IRAG1: variants seen among roughly 807,000 people sequenced by gnomAD.
The protein encoded by IRAG1 is inositol 1,4,5-triphosphate receptor associated 1.
In IRAG1, 62 loss-of-function variants were observed where a neutral mutation model predicts 106.2. That is an observed-to-expected ratio of 0.58 (90% CI 0.48 to 0.72). The LOEUF (loss-of-function observed/expected upper bound fraction) is 0.72, where lower values mean the gene tolerates loss of function less well. IRAG1 is among the 30% of genes least tolerant of loss of function. The probability of loss-of-function intolerance (pLI) is 0.00; values close to 1 mark genes in which losing one functional copy is unlikely to be tolerated. For missense variants in IRAG1, 1,064 were observed against 1,140.7 expected (o/e 0.93, Z 0.97); for synonymous variants, 462 against 443.9 (o/e 1.04, Z -0.51).
chr11:10,606,844 C>A (rs887891163), intron 11 of IRAG1, 72 bp from the exon 12 acceptor site: 42 of 1,406,318 alleles, frequency 3.0e-5, no homozygotes, highest in Non-Finnish European at 3.9e-5. Context: ...CTCTGAATGA[C>A]CAGCAGACCA....
At chr11:10,687,177 C>T (rs1412367059) in intron 1 of IRAG1, among the ~76,000 whole-genome samples, 1 of 152,126 alleles carries the variant, frequency 6.6e-6, no homozygotes, top group Non-Finnish European at 1.5e-5. Context: ...CTGCCTGTCT[C>T]TCACTAGGGC....
intron 1 of IRAG1, among the ~76,000 whole-genome samples, chr11:10,680,481 G>A (rs909098064): frequency 2.8e-5 from 4 of 143,574 alleles, no homozygotes; most frequent in Non-Finnish European, 6.0e-5. Context: ...AGGAAGGAGA[G>A]GAAGGGAGGG....
rs1047297630 is a variant in IRAG1, at chr11:10,574,813, T to C, written c.*1519A>G. 15 of 152,316 alleles carry C rather than the reference T, an allele frequency of 9.8e-5. No individual in the cohort carries two copies. The highest frequency in any genetic ancestry group is 1.9e-4 in the East Asian group (1 of 5,190). The allele number at this position is 152,316 out of a possible 1,614,324, so 9.4% of individuals were successfully genotyped here. On this transcript the variant is annotated 3_prime_UTR_variant, in exon 21 of 21. Transcript: ENST00000423302. The stretch of plus-strand genomic sequence containing the variant: ...TCAGAAGAGTCAAGGAGAGCACAGC[T>C]CTGGAGCCAGCCTACCCTGGGGTTG...
chr11:10,641,413 T>C (rs1190881013), intron 2 of IRAG1, among the ~76,000 whole-genome samples: 1 of 152,166 alleles, frequency 6.6e-6, no homozygotes, highest in Non-Finnish European at 1.5e-5. Flanking sequence ...ATGGAGCATC[T>C]CTCCTGGGGC....
At chr11:10,581,217 C>T (rs1232048693) in intron 19 of IRAG1, among the ~76,000 whole-genome samples, 1 of 152,182 alleles carries the variant, frequency 6.6e-6, no homozygotes, top group Non-Finnish European at 1.5e-5. Context: ...AGCAGTTTGG[C>T]TGGGCAAACC....
chr11:10,625,125 C>T (rs1179213882), intron 9 of IRAG1, among the ~76,000 whole-genome samples: 1 of 152,230 alleles, frequency 6.6e-6, no homozygotes, highest in Non-Finnish European at 1.5e-5. Context: ...GTGTCCCTGC[C>T]AGCACACAAA....
chr11:10,657,523 A>G lies in IRAG1; in HGVS notation c.68-5341T>C, dbSNP rs1859014748. ...AGATTCTCTCTGTGAATCTTTGAGC[A>G]TTGAGGGAAGAGCCAAGAAGCCCTT... On this transcript the variant is annotated intron_variant, in intron 1 of 20. Coordinates refer to ENST00000423302, the MANE Select transcript of IRAG1 (RefSeq NM_130385.4). This position sits in a 1 kb window ranked among gnomAD's most constrained non-coding sequence, Gnocchi z 4.1. 6.6e-6 allele frequency among the ~76,000 whole-genome samples: 1 copy of G among 152,234 alleles called. No individual in the cohort carries two copies. Among genetic ancestry groups the G allele is most frequent in the African/African-American group, 2.4e-5 (1 of 41,458 alleles).
At chr11:10,692,629 A>G (rs769333307) in intron 1 of IRAG1, among the ~76,000 whole-genome samples, 23 of 152,198 alleles carry the variant, frequency 1.5e-4, no homozygotes, top group Non-Finnish European at 3.1e-4. Context: ...TGCTCAGACC[A>G]GATTTACTTC....
At chr11:10,634,753 T>TTGTG (rs57266330) in intron 2 of IRAG1, among the ~76,000 whole-genome samples, 1,996 of 145,014 alleles carry the variant, frequency 0.014, 39 homozygotes, top group African/African-American at 0.041. Flanking sequence ...AATAATATTC[T>TTGTG]TGTGTGTGTG....
At chr11:10,693,454 C>T in intron 1 of IRAG1, 82 bp downstream of exon 1, 3 of 1,528,414 alleles carry the variant, frequency 2.0e-6, no homozygotes, top group Non-Finnish European at 2.6e-6. Context: ...CATCCCAGCA[C>T]CCTGTACCTT....
intron 10 of IRAG1, among the ~76,000 whole-genome samples, chr11:10,622,056 C>A (rs1421741465): frequency 6.6e-6 from 1 of 152,154 alleles, no homozygotes; most frequent in Non-Finnish European, 1.5e-5. Context: ...TATGAATGTA[C>A]TTACTGCCAC....
At chr11:10,678,274 G>A (rs888167786) in intron 1 of IRAG1, among the ~76,000 whole-genome samples, 3 of 152,180 alleles carry the variant, frequency 2.0e-5, no homozygotes, top group Admixed American at 6.5e-5. Flanking sequence ...TCAACAACAT[G>A]CTGGGTCTAT....
chr11:10,590,608 A>AAGGGGGAAATTCTGAGAGGCAGC (rs1852535079), intron 18 of IRAG1, among the ~76,000 whole-genome samples: 1 of 152,100 alleles, frequency 6.6e-6, no homozygotes, highest in Non-Finnish European at 1.5e-5. Context: ...GAAAAGACAC[A>AAGGGGGAAATTCTGAGAGGCAGC]AGGGGAAAAT....
chr11:10,618,878 C>G lies in IRAG1; in HGVS notation c.1447+4900G>C, dbSNP rs1124088. Among the ~76,000 whole-genome samples the G allele has an allele frequency of 1.6e-3, 246 of 152,270 alleles. 1 individual carries two copies. The highest frequency in any genetic ancestry group is 0.015 in the Admixed American group (227 of 15,304). ...TGCTCTTCCTAAGAGCAGAATGAAG[C>G]CTCTGAAGATGCTGAAACAGATTTG... is the stretch of plus-strand genomic sequence containing the variant. On this transcript the variant is annotated intron_variant, in intron 10 of 20. Transcript: ENST00000423302.
chr11:10,651,310 CT>C (rs1858481524), intron 2 of IRAG1, among the ~76,000 whole-genome samples: 1 of 152,158 alleles, frequency 6.6e-6, no homozygotes, highest in African/African-American at 2.4e-5. Flanking sequence ...GGATGAAGCC[CT>C]TAAGTATTAA....
chr11:10,680,366 A>AAAGAAAGAAAGAAAGAAAGAAAGAAAGG (rs1564942473), intron 1 of IRAG1, among the ~76,000 whole-genome samples: 5 of 94,412 alleles, frequency 5.3e-5, no homozygotes, highest in African/African-American at 1.9e-4. Context: ...AGAAAGAAAG[A>AAAGAAAGAAAGAAAGAAAGAAAGAAAGG]AAGAAGGAAG....
In IRAG1 at chr11:10,626,474, A is replaced by G; in HGVS notation, c.860T>C (p.Ile287Thr). 5 of 1,613,552 alleles carry G rather than the reference A, an allele frequency of 3.1e-6. No individual in the cohort carries two copies. The highest frequency in any genetic ancestry group is 4.2e-6 in the Non-Finnish European group (5 of 1,179,774). ...GGGATCGAAGTTTTCCTTTTGTTCTATTGCAATCTCTTTGGACTTCTCAAC... is the reference window on the plus strand; with the variant it reads ...GGGATCGAAGTTTTCCTTTTGTTCTGTTGCAATCTCTTTGGACTTCTCAAC... ...PPVEKSKEIAIEQKENFDPLQ... is the reference protein window; with the variant it reads ...PPVEKSKEIATEQKENFDPLQ... Residue 287 changes from isoleucine (I) to threonine (T), a missense_variant, in exon 9 of 21, where the codon ATA becomes ACA. Transcript: ENST00000423302.
chr11:10,587,162 C>G (rs1027297923), intron 18 of IRAG1, among the ~76,000 whole-genome samples: 2 of 152,220 alleles, frequency 1.3e-5, no homozygotes, highest in African/African-American at 4.8e-5. Flanking sequence ...ATTATTCTCA[C>G]ACGTGCACCA....
intron 2 of IRAG1, among the ~76,000 whole-genome samples, chr11:10,636,888 C>G (rs774927662): frequency 6.6e-6 from 1 of 152,170 alleles, no homozygotes; most frequent in African/African-American, 2.4e-5. Context: ...TACTGGGAAT[C>G]AGGGATTTGT....
Sources: gnomAD v4.1 joint callset for allele counts (sites outside exome capture counted in the v4.1 genomes callset) on GRCh38, gnomAD v4.1.1 for gene constraint, Gnocchi (gnomAD v3.1) non-coding constraint, MANE v1.5 for transcripts, NCBI Gene and HGNC (gene_info 2026-07-23, HGNC 2026-07-21) for gene names.